The following TMEM220 variants were observed in gnomAD, a reference collection of about 807,000 sequenced individuals.
TMEM220 encodes transmembrane protein 220.
TMEM220 carries 21 observed loss-of-function variants against 21.7 expected under a neutral mutation model. The observed-to-expected ratio is 0.97, with a 90% CI of 0.69 to 1.39. TMEM220 has a LOEUF of 1.39. Ranked by LOEUF, TMEM220 falls within the 40% of genes most tolerant of loss-of-function variation. TMEM220 has a pLI of 0.00. For missense variants in TMEM220, 191 were observed against 201.9 expected (o/e 0.95, Z 0.33); for synonymous variants, 80 against 73.6 (o/e 1.09, Z -0.45).
chr17:10,729,054 C>T lies in TMEM220; in HGVS notation c.79G>A (p.Asp27Asn). ...FALAALVQVN[D>N]PDAEVWVVVY... ...ACCACCCACACCTCTGCATCTGGGTCATTTACCTGGAACGCCAGAATACCA... is the reference window on the plus strand; with the variant it reads ...ACCACCCACACCTCTGCATCTGGGTTATTTACCTGGAACGCCAGAATACCA... Residue 27 changes from aspartate (D) to asparagine (N), a missense_variant, in exon 2 of 6, where the codon GAC becomes AAC. Physicochemically the swap from Asp to Asn is conservative, Grantham distance 23 (BLOSUM62 1). Transcript: ENST00000341871. The T allele has an allele frequency of 6.2e-7, 1 of 1,614,174 alleles. No individual in the cohort carries two copies. Among genetic ancestry groups the T allele is most frequent in the Non-Finnish European group, 8.5e-7 (1 of 1,180,034 alleles).
Position 10,722,286 on chromosome 17 carries a change from C to T in TMEM220, c.347+984G>A, listed in dbSNP as rs2075002226. 1.3e-5 allele frequency among the ~76,000 whole-genome samples: 2 copies of T among 152,200 alleles called. 1 individual carries two copies. The highest frequency in any genetic ancestry group is 4.1e-4 in the South Asian group (2 of 4,828). The stretch of plus-strand genomic sequence containing the variant: ...CTGAGATTACAGGTGTGAGCCACCT[C>T]GCCTGGCCTAGAGTTGGGTTTTTAA... On this transcript the variant is annotated intron_variant, in intron 5 of 5. Transcript: ENST00000341871.
chr17:10,724,973 C>T (rs1224219406), intron 4 of TMEM220, 38 bp downstream of exon 4: 26 of 1,613,328 alleles, frequency 1.6e-5, no homozygotes, highest in Non-Finnish European at 2.2e-5. Context: ...TTCTATCCCA[C>T]AGTTCTATCC....
chr17:10,725,933 C>T (rs992161914), intron 3 of TMEM220, among the ~76,000 whole-genome samples: 3 of 152,154 alleles, frequency 2.0e-5, no homozygotes, highest in Non-Finnish European at 4.4e-5. Context: ...TGAGAACATT[C>T]GAGCCCCACT....
intron 2 of TMEM220, among the ~76,000 whole-genome samples, chr17:10,728,614 A>G (rs2151482732): frequency 6.6e-6 from 1 of 152,252 alleles, no homozygotes; most frequent in African/African-American, 2.4e-5. Context: ...CCCAGCCAGG[A>G]GTTAATACTT....
chr17:10,715,304 C>A lies in TMEM220; in HGVS notation c.*149G>T. 1 of 635,750 alleles carries A rather than the reference C, an allele frequency of 1.6e-6. No homozygotes were observed. Among genetic ancestry groups the A allele is most frequent in the South Asian group, 2.5e-5 (1 of 40,444 alleles). 39.4% of individuals were successfully genotyped at this position (635,750 alleles called of 1,614,324 possible). ...CTCTTACTTGTCCCATCCAATCTTA[C>A]ATCGAATTATATGCACCCTTAAAAA... On this transcript the variant is annotated 3_prime_UTR_variant, in exon 6 of 6. Coordinates refer to ENST00000341871, the MANE Select transcript of TMEM220 (RefSeq NM_001004313.3).
chr17:10,721,424 C>A (rs1362827656), intron 5 of TMEM220, among the ~76,000 whole-genome samples: 2 of 152,008 alleles, frequency 1.3e-5, no homozygotes, highest in Non-Finnish European at 2.9e-5. Context: ...TCCTGGCCAA[C>A]ATGGTGAAAC....
intron 4 of TMEM220, 55 bp downstream of exon 4, chr17:10,724,956 T>C: frequency 1.2e-6 from 2 of 1,609,672 alleles, no homozygotes; most frequent in Non-Finnish European, 1.7e-6. Context: ...CAAACACGAT[T>C]CCTTAGTTCT....
chr17:10,729,955 C>T lies in TMEM220; in HGVS notation c.-104G>A. ...CTCCTTGCGCGGAGGGACCGAGACC[C>T]CCGCCTCGGTTTCGGTGCCTTGGGG... On this transcript the variant is annotated 5_prime_UTR_variant, in exon 1 of 6. Transcript: ENST00000341871. 8.1e-7 allele frequency: 1 copy of T among 1,232,684 alleles called. No homozygotes were observed. The highest frequency in any genetic ancestry group is 1.0e-6 in the Non-Finnish European group (1 of 987,368). The allele number at this position is 1,232,684 out of a possible 1,614,324, so 76.4% of individuals were successfully genotyped here.
intron 5 of TMEM220, chr17:10,716,440 C>CA (rs1482882370): frequency 7.5e-6 from 5 of 666,708 alleles, no homozygotes; most frequent in African/African-American, 5.4e-5. Flanking sequence ...GGTCAGAACT[C>CA]AAACTCCAGA....
At chr17:10,728,980 G>A (rs754139114) in intron 2 of TMEM220, 51 bp downstream of exon 2, 5 of 1,598,294 alleles carry the variant, frequency 3.1e-6, no homozygotes, top group Admixed American at 1.7e-5. Flanking sequence ...GTTTTGTGCC[G>A]TTCCCCAATT....
chr17:10,724,980 A>G, intron 4 of TMEM220, 31 bp downstream of exon 4: 1 of 1,613,746 alleles, frequency 6.2e-7, no homozygotes, highest in Non-Finnish European at 8.5e-7. Flanking sequence ...CCACAGTTCT[A>G]TCCCTCCACA....
At chr17:10,711,352 C>T (rs146377569), downstream of TMEM220, 1,939 of 560,910 alleles carry the variant, frequency 3.5e-3, 8 homozygotes, top group Non-Finnish European at 4.6e-3. Context: ...AGGGAGGAAA[C>T]TGAGGCAGGG....
At chr17:10,720,370 T>C (rs2074973245) in intron 5 of TMEM220, among the ~76,000 whole-genome samples, 1 of 152,242 alleles carries the variant, frequency 6.6e-6, no homozygotes, top group Non-Finnish European at 1.5e-5. Flanking sequence ...AAAGTTTTTC[T>C]ATACTATAGA....
intron 5 of TMEM220, among the ~76,000 whole-genome samples, chr17:10,719,377 C>A (rs372201737): frequency 3.3e-5 from 5 of 152,138 alleles, no homozygotes; most frequent in African/African-American, 1.2e-4. Context: ...CCCGGTTTCT[C>A]CTGCCTCAGC....
intron 5 of TMEM220, chr17:10,715,854 C>T (rs2074911556): frequency 5.8e-6 from 2 of 345,336 alleles, no homozygotes; most frequent in African/African-American, 4.3e-5. Context: ...TAAAGTTGAT[C>T]TTTTCCTAAT....
At chr17:10,716,576 C>T in intron 5 of TMEM220, 1 of 521,436 alleles carries the variant, frequency 1.9e-6, no homozygotes, top group Admixed American at 2.5e-5. Context: ...GGTCTGCACC[C>T]AACACTCTGT....
chr17:10,727,195 G>GT (rs1462566793), intron 2 of TMEM220, among the ~76,000 whole-genome samples: 3 of 151,640 alleles, frequency 2.0e-5, no homozygotes, highest in African/African-American at 7.3e-5. Flanking sequence ...TTTGGAGATG[G>GT]GGGGGGTCTC....
rs1253954497 is a variant in TMEM220 at position 10,725,449 on chromosome 17, A to G, written c.164-315T>C. ...AACTGGACTTTGGCTAGGTCAATCA[A>G]TACATGTTATCTCCTCAGCCACAGT... On this transcript the variant is annotated intron_variant, in intron 3 of 5. Coordinates refer to ENST00000341871, the MANE Select transcript of TMEM220 (RefSeq NM_001004313.3). 9.8e-4 allele frequency among the ~76,000 whole-genome samples: 149 copies of G among 152,218 alleles called. 2 individuals are homozygous for G. Among genetic ancestry groups the G allele is most frequent in the Non-Finnish European group, 2.9e-5 (2 of 68,048 alleles).
At position 10,729,899 on chromosome 17, in the gene TMEM220, C is replaced by T; in HGVS notation, c.-48G>A. 1 of 1,281,730 alleles carries T rather than the reference C, an allele frequency of 7.8e-7. No individual in the cohort carries two copies. The highest frequency in any genetic ancestry group is 9.9e-7 in the Non-Finnish European group (1 of 1,011,184). The allele number at this position is 1,281,730 out of a possible 1,614,324, so 79.4% of individuals were successfully genotyped here. ...GCGGTGAGTCCTGCCACGTGCGGGGCGGTGAGTCCTGCCACGTACGGTCCG... is the reference window on the plus strand; with the variant it reads ...GCGGTGAGTCCTGCCACGTGCGGGGTGGTGAGTCCTGCCACGTACGGTCCG... On this transcript the variant is annotated 5_prime_UTR_variant, in exon 1 of 6. Coordinates refer to ENST00000341871, the MANE Select transcript of TMEM220 (RefSeq NM_001004313.3).
Sources: gnomAD v4.1 joint callset for allele counts (sites outside exome capture counted in the v4.1 genomes callset) on GRCh38, gnomAD v4.1.1 for gene constraint, MANE v1.5 for transcripts, NCBI Gene and HGNC (gene_info 2026-07-23, HGNC 2026-07-21) for gene names.